Variants in REEP3 observed in about 807,000 individuals in gnomAD.
The protein encoded by REEP3 is receptor expression-enhancing protein 3.
REEP3 carries 20 observed loss-of-function variants against 41.3 expected under a neutral mutation model. The observed-to-expected ratio is 0.48, with a 90% CI of 0.34 to 0.70. The LOEUF (loss-of-function observed/expected upper bound fraction) is 0.70, where lower values mean the gene tolerates loss of function less well. REEP3 is among the 30% of genes least tolerant of loss of function. The pLI, the probability that REEP3 is intolerant of heterozygous loss-of-function variation, is 0.01. For synonymous variants in REEP3, 104 were observed against 101.8 expected, an observed-to-expected ratio of 1.02 and a Z score of -0.13; for missense variants, 271 against 308.8, an observed-to-expected ratio of 0.88 and a Z score of 0.92.
rs1353803663 is a variant in REEP3 at position 63,620,941 on chromosome 10, T to G, written c.*72T>G. 5 of 952,944 alleles carry G rather than the reference T, an allele frequency of 5.2e-6. No homozygotes were observed. In the East Asian group the frequency reaches 1.3e-4, roughly 24 times the overall value. 59.0% of individuals were successfully genotyped at this position (952,944 alleles called of 1,614,324 possible). On this transcript the variant is annotated 3_prime_UTR_variant, in exon 8 of 8. Coordinates refer to ENST00000373758, the MANE Select transcript of REEP3 (RefSeq NM_001001330.3). ...GACTTCATCTTCTAACATGATATATTCAGGATTTACACATTAAAATGATTA... is the reference window on the plus strand; with the variant it reads ...GACTTCATCTTCTAACATGATATATGCAGGATTTACACATTAAAATGATTA...
In REEP3 at chr10:63,610,834, G is replaced by T. The variant is rs1042969123; in HGVS notation, c.565+500G>T. Among the ~76,000 whole-genome samples the T allele has an allele frequency of 2.0e-5, 3 of 152,272 alleles. No individual in the cohort carries two copies. The South Asian group carries it at 6.2e-4, about 32-fold the overall frequency. On this transcript the variant is annotated intron_variant, in intron 6 of 7. Coordinates refer to ENST00000373758, the MANE Select transcript of REEP3 (RefSeq NM_001001330.3). ...ACCGTTAATCCCAGCACTTTGGGAGGCCGAGGTGGGCGGATCACGAGGTTA... is the reference window on the plus strand; with the variant it reads ...ACCGTTAATCCCAGCACTTTGGGAGTCCGAGGTGGGCGGATCACGAGGTTA...
chr10:63,547,401 T>C (rs1955589544), intron 1 of REEP3, among the ~76,000 whole-genome samples: 1 of 151,902 alleles, frequency 6.6e-6, no homozygotes, highest in Admixed American at 6.6e-5. Flanking sequence ...CACATGTAAA[T>C]GCAAAAAATG....
chr10:63,600,637 T>A (rs1399215611), intron 5 of REEP3, among the ~76,000 whole-genome samples: 1 of 152,120 alleles, frequency 6.6e-6, no homozygotes, highest in Non-Finnish European at 1.5e-5. Context: ...CAGGAGATAA[T>A]CCAGCCACTG....
intron 1 of REEP3, among the ~76,000 whole-genome samples, chr10:63,548,484 C>A (rs1057232665): frequency 2.0e-5 from 3 of 152,128 alleles, no homozygotes; most frequent in African/African-American, 7.2e-5. Context: ...ATTAGACACT[C>A]CCCTGCATAA....
intron 6 of REEP3, among the ~76,000 whole-genome samples, chr10:63,614,469 C>CACA (rs1956298355): frequency 6.6e-6 from 1 of 152,176 alleles, no homozygotes; most frequent in Non-Finnish European, 1.5e-5. Flanking sequence ...CATCTGCTGT[C>CACA]TGAGCTGAAA....
chr10:63,585,463 T>G (rs143343706), intron 2 of REEP3, among the ~76,000 whole-genome samples: 1 of 152,310 alleles, frequency 6.6e-6, no homozygotes, highest in Non-Finnish European at 1.5e-5. Flanking sequence ...CTAGTAGTTA[T>G]ATATTAAATC....
chr10:63,591,377 C>A (rs780489299), intron 2 of REEP3, among the ~76,000 whole-genome samples: 1 of 151,830 alleles, frequency 6.6e-6, no homozygotes, highest in Non-Finnish European at 1.5e-5. Context: ...CTGTATTCAA[C>A]TATATTTAAG....
intron 2 of REEP3, among the ~76,000 whole-genome samples, chr10:63,574,434 G>A (rs1955879871): frequency 6.6e-6 from 1 of 152,112 alleles, no homozygotes; most frequent in African/African-American, 2.4e-5. Context: ...CTCTACCTTT[G>A]GACAAGTTAT....
intron 6 of REEP3, among the ~76,000 whole-genome samples, chr10:63,614,123 A>G (rs1956295729): frequency 6.6e-6 from 1 of 152,236 alleles, no homozygotes; most frequent in Non-Finnish European, 1.5e-5. Flanking sequence ...TGTCAATGCT[A>G]TCAAAGAATA....
intron 2 of REEP3, among the ~76,000 whole-genome samples, chr10:63,583,181 C>T (rs573387359): frequency 1.3e-5 from 2 of 151,878 alleles, no homozygotes; most frequent in Admixed American, 1.3e-4. Context: ...TTAGTAGAGA[C>T]GGAGTTTCAC....
chr10:63,599,254 G>A lies in REEP3; in HGVS notation c.388G>A (p.Ala130Thr). 6.4e-7 allele frequency: 1 copy of A among 1,556,326 alleles called. No individual in the cohort carries two copies. Among genetic ancestry groups the A allele is most frequent in the South Asian group, 1.2e-5 (1 of 82,600 alleles). Reference sequence around the variant, plus strand: ...TGGACGGCAAGGTTTAAACCTTGCAGCTACTGCTGCTGTTACTGCAGCAGT... The same window carrying A: ...TGGACGGCAAGGTTTAAACCTTGCAACTACTGCTGCTGTTACTGCAGCAGT... The part of the protein sequence containing the change: ...NFGRQGLNLA[A>T]TAAVTAAVKS... The change falls in exon 5 of 8, where the codon GCT becomes ACT. Residue 130 changes from alanine to threonine, a missense_variant. Physicochemically the swap from Ala to Thr is moderately conservative, Grantham distance 58. Transcript: ENST00000373758.
chr10:63,537,403 G>A (rs1449310908), intron 1 of REEP3, among the ~76,000 whole-genome samples: 1 of 152,134 alleles, frequency 6.6e-6, no homozygotes, highest in Non-Finnish European at 1.5e-5. Context: ...TTATAGGATA[G>A]GGGTTAGCTC....
chr10:63,606,660 G>A (rs1956232005), intron 5 of REEP3, among the ~76,000 whole-genome samples: 1 of 152,122 alleles, frequency 6.6e-6, no homozygotes, highest in Non-Finnish European at 1.5e-5. Flanking sequence ...TTTTAGCATT[G>A]TTATTTACAA....
chr10:63,606,277 TTTTCTTTCTTTCC>T (rs1305586584), intron 5 of REEP3, among the ~76,000 whole-genome samples: 1 of 147,900 alleles, frequency 6.8e-6, no homozygotes, highest in Admixed American at 6.7e-5. Flanking sequence ...CTTTCTTTCT[TTTTCTTTCTTTCC>T]TTTCTTTCTT....
intron 1 of REEP3, among the ~76,000 whole-genome samples, chr10:63,565,095 A>G (rs1238258407): frequency 6.6e-6 from 1 of 152,120 alleles, no homozygotes; most frequent in Non-Finnish European, 1.5e-5. Context: ...TGTCTCTACT[A>G]AAAATACAAA....
At chr10:63,573,653 C>T (rs762573139) in intron 2 of REEP3, among the ~76,000 whole-genome samples, 16 of 152,120 alleles carry the variant, frequency 1.1e-4, no homozygotes, top group Non-Finnish European at 2.1e-4. Context: ...TTTCGACTGA[C>T]TATTTAGGTG....
intron 2 of REEP3, among the ~76,000 whole-genome samples, chr10:63,582,906 T>G (rs1263637827): frequency 6.6e-6 from 1 of 152,214 alleles, no homozygotes; most frequent in Admixed American, 6.5e-5. Flanking sequence ...TGTGGTTGAT[T>G]GCACATGCCT....
intron 2 of REEP3, among the ~76,000 whole-genome samples, chr10:63,591,069 G>A (rs1267181066): frequency 2.7e-5 from 4 of 149,042 alleles, no homozygotes; most frequent in Non-Finnish European, 5.9e-5. Context: ...GTTTTTTGTT[G>A]ATCTAAAGAA....
intron 5 of REEP3, among the ~76,000 whole-genome samples, chr10:63,601,214 A>G (rs963267420): frequency 5.3e-5 from 8 of 152,182 alleles, no homozygotes; most frequent in Admixed American, 5.2e-4. Context: ...ATTTCTAAAC[A>G]GTGACAGTGA....
Sources: gnomAD v4.1 joint callset for allele counts (sites outside exome capture counted in the v4.1 genomes callset) on GRCh38, gnomAD v4.1.1 for gene constraint, MANE v1.5 for transcripts, NCBI Gene and HGNC (gene_info 2026-07-23, HGNC 2026-07-21) for gene names.